The following CTNND2 variants were observed in gnomAD, a reference collection of about 807,000 sequenced individuals.
The protein encoded by CTNND2 is catenin delta-2.
A neutral mutation model predicts 144.4 loss-of-function variants in CTNND2; 22 were observed. The observed-to-expected ratio is 0.15, with a 90% CI of 0.11 to 0.22. CTNND2 has a LOEUF of 0.22. Ranked by LOEUF, CTNND2 falls within the 10% of genes least tolerant of loss-of-function variation. The probability of loss-of-function intolerance (pLI) is 1.00; values close to 1 mark genes in which losing one functional copy is unlikely to be tolerated. For missense variants in CTNND2, 1,353 were observed against 1,618.8 expected (o/e 0.84, Z 2.82); for synonymous variants, 751 against 695.6 (o/e 1.08, Z -1.25).
intron 21 of CTNND2, among the ~76,000 whole-genome samples, chr5:10,980,770 ACAT>A (rs1737132240): frequency 6.6e-6 from 1 of 152,154 alleles, no homozygotes; most frequent in Non-Finnish European, 1.5e-5. Context: ...GAAGCTGGAA[ACAT>A]CATTCTCAGG....
At chr5:11,454,292 T>C (rs996141479) in intron 3 of CTNND2, among the ~76,000 whole-genome samples, 13 of 152,188 alleles carry the variant, frequency 8.5e-5, no homozygotes, top group African/African-American at 2.6e-4. Context: ...TGGTGGTGTG[T>C]GCCTGTAGTC....
At chr5:11,026,076 T>G (rs1028326632) in intron 16 of CTNND2, among the ~76,000 whole-genome samples, 2 of 152,126 alleles carry the variant, frequency 1.3e-5, no homozygotes, top group African/African-American at 4.8e-5. Context: ...AGGGTTCTTT[T>G]AGGACTGGGG....
intron 12 of CTNND2, among the ~76,000 whole-genome samples, chr5:11,132,547 C>A (rs6875254): frequency 0.077 from 11,657 of 152,168 alleles, 1,429 homozygotes; most frequent in African/African-American, 0.26. Flanking sequence ...AGAGTCCTCA[C>A]TAGAACCCAA....
At chr5:11,414,923 C>T (rs1298428704) in intron 3 of CTNND2, among the ~76,000 whole-genome samples, 1 of 152,230 alleles carries the variant, frequency 6.6e-6, no homozygotes, top group East Asian at 1.9e-4. Context: ...CTGCAAAGGA[C>T]ATGATCTCAT....
chr5:11,735,176 A>G (rs1053637459), intron 1 of CTNND2, among the ~76,000 whole-genome samples: 1 of 152,268 alleles, frequency 6.6e-6, no homozygotes, highest in African/African-American at 2.4e-5. Context: ...GAATACCAAC[A>G]GGATGACAGA....
intron 9 of CTNND2, among the ~76,000 whole-genome samples, chr5:11,248,088 T>C (rs1480427230): frequency 1.3e-5 from 2 of 152,170 alleles, no homozygotes; most frequent in African/African-American, 2.4e-5. Flanking sequence ...TTCACCACTA[T>C]GTATCTATTT....
chr5:11,281,167 G>A (rs1747072988), intron 9 of CTNND2, among the ~76,000 whole-genome samples: 1 of 152,140 alleles, frequency 6.6e-6, no homozygotes, highest in Non-Finnish European at 1.5e-5. Context: ...TGCTCCTTGG[G>A]TAAATGGTTT....
intron 3 of CTNND2, among the ~76,000 whole-genome samples, chr5:11,453,770 A>G (rs950359740): frequency 6.6e-6 from 1 of 152,084 alleles, no homozygotes; most frequent in Non-Finnish European, 1.5e-5. Context: ...AAGATGTAAC[A>G]TGAATCTCTT....
In CTNND2 at chr5:11,641,745, C is replaced by CGTGTGTGTATGTACATATACGT. The variant is rs140598993; in HGVS notation, c.175-76690_175-76689insACGTATATGTACATACACACAC. Among the ~76,000 whole-genome samples, 7 of 134,676 alleles carry CGTGTGTGTATGTACATATACGT rather than the reference C, an allele frequency of 5.2e-5. 1 individual carries two copies. Among genetic ancestry groups the CGTGTGTGTATGTACATATACGT allele is most frequent in the Non-Finnish European group, 7.7e-5 (5 of 64,684 alleles). The allele number at this position is 134,676 out of a possible 152,430, so 88.4% of individuals were successfully genotyped here. A position where few individuals can be genotyped will look rare whatever the true frequency, so the allele number is the denominator to read the frequency against. ...ATATACGTGTGTGTATATACATATA[C>CGTGTGTGTATGTACATATACGT]GTGTGTATGTACATACATATACGTA... On this transcript the variant is annotated intron_variant, in intron 2 of 21. Transcript: ENST00000304623.
At chr5:11,456,236 G>A (rs1461757699) in intron 3 of CTNND2, among the ~76,000 whole-genome samples, 1 of 151,414 alleles carries the variant, frequency 6.6e-6, no homozygotes, top group African/African-American at 2.4e-5. Flanking sequence ...GAAGGGTTGT[G>A]TTTGGTTTTC....
chr5:11,885,738 A>G (rs950553025), intron 1 of CTNND2, among the ~76,000 whole-genome samples: 1 of 152,084 alleles, frequency 6.6e-6, no homozygotes, highest in Non-Finnish European at 1.5e-5. Flanking sequence ...TTTTTTCATC[A>G]GCACATGGAA....
At chr5:11,041,290 T>A (rs1317326796) in intron 16 of CTNND2, among the ~76,000 whole-genome samples, 7 of 152,230 alleles carry the variant, frequency 4.6e-5, no homozygotes, top group South Asian at 2.1e-4. Flanking sequence ...CTAACTTTTT[T>A]AAGAACATTC....
intron 2 of CTNND2, among the ~76,000 whole-genome samples, chr5:11,662,177 A>ACATATATGTGTATATGTGTGTATATATG (rs1783267746): frequency 7.6e-6 from 1 of 131,706 alleles, no homozygotes; most frequent in African/African-American, 3.0e-5. Flanking sequence ...GTGTATATAT[A>ACATATATGTGTATATGTGTGTATATATG]CATATATGTG....
intron 13 of CTNND2, 25 bp from the exon 14 acceptor site, chr5:11,111,068 A>G (rs780408570): frequency 2.5e-6 from 4 of 1,604,620 alleles, no homozygotes; most frequent in Non-Finnish European, 2.6e-6. Flanking sequence ...GAAACAGAGG[A>G]AAGAATGAGT....
intron 9 of CTNND2, among the ~76,000 whole-genome samples, chr5:11,324,003 T>C (rs943149573): frequency 2.6e-5 from 4 of 152,092 alleles, no homozygotes; most frequent in Non-Finnish European, 5.9e-5. Flanking sequence ...CATCTGGTCA[T>C]TAGCAGGAGG....
intron 2 of CTNND2, among the ~76,000 whole-genome samples, chr5:11,719,979 C>G (rs574549106): frequency 6.6e-6 from 1 of 152,072 alleles, no homozygotes; most frequent in Admixed American, 6.6e-5. Context: ...AGGCAATGGA[C>G]GAAGCCAGTG....
intron 2 of CTNND2, among the ~76,000 whole-genome samples, chr5:11,598,270 A>T (rs1176689173): frequency 1.3e-5 from 2 of 152,114 alleles, no homozygotes; most frequent in African/African-American, 4.8e-5. Context: ...TCATGTTCTT[A>T]TTGGGTTTGT....
intron 1 of CTNND2, among the ~76,000 whole-genome samples, chr5:11,871,706 T>A (rs1212012674): frequency 2.0e-5 from 3 of 152,190 alleles, no homozygotes; most frequent in African/African-American, 7.2e-5. Flanking sequence ...TTCATAATGT[T>A]GTTCATATTT....
At chr5:11,081,048 G>A (rs1354172297) in intron 16 of CTNND2, among the ~76,000 whole-genome samples, 1 of 143,818 alleles carries the variant, frequency 7.0e-6, no homozygotes, top group African/African-American at 2.5e-5. Flanking sequence ...CTGCACTCCA[G>A]CCTGAGCAAC....
Sources: allele counts gnomAD v4.1 joint callset (sites outside exome capture counted in the v4.1 genomes callset), GRCh38; gene constraint gnomAD v4.1.1; transcripts MANE v1.5; gene names NCBI Gene and HGNC (gene_info 2026-07-23, HGNC 2026-07-21).